KIAA1210: variants seen among roughly 807,000 people sequenced by gnomAD.
The protein encoded by KIAA1210 is acrosomal protein KIAA1210.
Under a neutral mutation model 78.9 loss-of-function variants are expected in KIAA1210, and 48 were observed. The observed-to-expected ratio is 0.61, with a 90% confidence interval of 0.48 to 0.77. The LOEUF is 0.77. KIAA1210 is among the 30% of genes least tolerant of loss of function. The pLI is 0.00. For synonymous variants in KIAA1210, 406 were observed against 404.5 expected, an observed-to-expected ratio of 1.00 and a Z score of -0.04; for missense variants, 1,108 against 1,100.0, an observed-to-expected ratio of 1.01 and a Z score of -0.10.
At chrX:119,104,923 G>A in intron 6 of KIAA1210, 69 bp downstream of exon 6, 2 of 1,009,163 alleles carry the variant, frequency 2.0e-6, no homozygotes, top group Middle Eastern at 2.6e-4. Context: ...CGGGAGAATA[G>A]ATGATACAAG....
intron 3 of KIAA1210, among the ~76,000 whole-genome samples, chrX:119,112,797 G>T (rs1928122810): frequency 9.0e-6 from 1 of 111,596 alleles, no homozygotes; most frequent in African/African-American, 3.3e-5. Flanking sequence ...TGCCTCAAAA[G>T]GTTAAATATA....
Position 119,079,899 on chromosome X carries a change from A to C in KIAA1210, c.*1430T>G, listed in dbSNP as rs1926889965. ...CATTTCTCTGTGGCTTTGGGATTGC[A>C]CTCTTGCTTTGGGCTAAAACCTTGT... On this transcript the variant is annotated 3_prime_UTR_variant, in exon 12 of 12. Transcript: ENST00000691062. The C allele has an allele frequency of 1.8e-5, 2 of 111,294 alleles. No individual in the cohort carries two copies. The highest frequency in any genetic ancestry group is 1.9e-4 in the Admixed American group (2 of 10,497). 9.2% of individuals were successfully genotyped at this position (111,294 alleles called of 1,213,427 possible).
chrX:119,123,023 T>TTG lies in KIAA1210; in HGVS notation c.61+557_61+558dup, dbSNP rs756634696. Among the ~76,000 whole-genome samples the TTG allele has an allele frequency of 1.1e-3, 120 of 111,999 alleles. 1 individual carries two copies. The highest frequency in any genetic ancestry group is 1.8e-3 in the Non-Finnish European group (93 of 53,075). On this transcript the variant is annotated intron_variant, in intron 2 of 11. Coordinates refer to ENST00000691062, the MANE Select transcript of KIAA1210 (RefSeq NM_001394962.1). ...ATTGCATCTTATGATTTCCTTTTTATTGTGTGTGTGTGTGTAAAGCTTATC... is the reference window on the plus strand; with the variant it reads ...ATTGCATCTTATGATTTCCTTTTTATTGTGTGTGTGTGTGTGTAAAGCTTATC...
rs777662411 is a variant in KIAA1210, at chrX:119,118,295, A to G, written c.62-1631T>C. ...AGGTCACTCAACCTCTCTGGGACTC[A>G]GCAGGAAAATTAAAGAATTGCACCT... On this transcript the variant is annotated intron_variant, in intron 2 of 11. Coordinates refer to ENST00000691062, the MANE Select transcript of KIAA1210 (RefSeq NM_001394962.1). Among the ~76,000 whole-genome samples the G allele has an allele frequency of 8.9e-5, 10 of 112,221 alleles. No homozygotes were observed. In the East Asian group the frequency reaches 2.0e-3, roughly 22 times the overall value.
intron 6 of KIAA1210, among the ~76,000 whole-genome samples, chrX:119,101,973 T>C (rs375776260): frequency 8.0e-5 from 9 of 112,677 alleles, no homozygotes; most frequent in African/African-American, 2.9e-4. Flanking sequence ...TAAATAAAAT[T>C]ATACAAGGAA....
At chrX:119,146,689 G>A (rs36078934) in intron 2 of KIAA1210, among the ~76,000 whole-genome samples, 3,495 of 111,559 alleles carry the variant, frequency 0.031, 125 homozygotes, top group African/African-American at 0.11. Context: ...CTTACAGAGG[G>A]TGAGGCTGGG....
intron 7 of KIAA1210, among the ~76,000 whole-genome samples, chrX:119,094,709 G>T (rs1010558338): frequency 8.9e-5 from 10 of 111,771 alleles, no homozygotes; most frequent in Admixed American, 3.8e-4. Context: ...GAAAGTGGTA[G>T]TAGTCCCTGT....
chrX:119,147,515 T>C (rs749573541), exon 2 of KIAA1210: 1 of 1,209,792 alleles, frequency 8.3e-7, no homozygotes, highest in African/African-American at 1.7e-5. Context: ...CTGACTAGCA[T>C]GATGTGAGGG....
At chrX:119,093,613 T>C in intron 8 of KIAA1210, 54 bp downstream of exon 8, 1 of 925,169 alleles carries the variant, frequency 1.1e-6, no homozygotes, top group Non-Finnish European at 1.5e-6. Flanking sequence ...AACATAGCAC[T>C]GTGCAATGAA....
intron 1 of KIAA1210, 128 bp from the exon 2 acceptor site, chrX:119,123,780 T>A (rs1177498676): frequency 2.2e-6 from 1 of 449,978 alleles, no homozygotes; most frequent in Admixed American, 4.1e-5. Flanking sequence ...AATATACAAA[T>A]GGAATTGCCA....
chrX:119,093,970 TG>T (rs775810415), intron 7 of KIAA1210, 195 bp from the exon 8 acceptor site: 2 of 1,067,086 alleles, frequency 1.9e-6, no homozygotes, highest in South Asian at 3.8e-5. Context: ...AAGAGATCCT[TG>T]GGGATCATTT....
chrX:119,131,704 ACATGGCAGGG>A (rs1258717498), upstream of KIAA1210, among the ~76,000 whole-genome samples: 2 of 112,652 alleles, frequency 1.8e-5, no homozygotes, highest in African/African-American at 3.2e-5. Flanking sequence ...GTCGAGGGCC[ACATGGCAGGG>A]CATGGCAGGA....
At chrX:119,113,336 A>G (rs1049802169) in intron 3 of KIAA1210, among the ~76,000 whole-genome samples, 1 of 112,245 alleles carries the variant, frequency 8.9e-6, no homozygotes, top group Admixed American at 9.5e-5. Flanking sequence ...ATTGTATAAT[A>G]TATGAATTAT....
intron 5 of KIAA1210, among the ~76,000 whole-genome samples, chrX:119,106,634 C>A (rs1927901406): frequency 1.8e-5 from 2 of 112,386 alleles, no homozygotes; most frequent in African/African-American, 6.5e-5. Flanking sequence ...GTCTCAGTTT[C>A]TTAAATGACT....
chrX:119,144,184 G>T (rs1410203383), intron 2 of KIAA1210, among the ~76,000 whole-genome samples: 1 of 112,265 alleles, frequency 8.9e-6, no homozygotes, highest in Non-Finnish European at 1.9e-5. Flanking sequence ...CAAATGCCAA[G>T]CTTCAATGCA....
chrX:119,112,416 C>A, intron 3 of KIAA1210, among the ~76,000 whole-genome samples: 1 of 111,170 alleles, frequency 9.0e-6, no homozygotes, highest in African/African-American at 3.3e-5. Flanking sequence ...AATAGGAATT[C>A]TTTTTATTGA....
At chrX:119,148,581 C>T (rs377351213) in intron 1 of KIAA1210, among the ~76,000 whole-genome samples, 1 of 112,290 alleles carries the variant, frequency 8.9e-6, no homozygotes, top group Non-Finnish European at 1.9e-5. Context: ...CTTGATAATT[C>T]TCCTGTAAAC....
At chrX:119,143,338 C>A (rs1397318394) in intron 2 of KIAA1210, among the ~76,000 whole-genome samples, 1 of 112,236 alleles carries the variant, frequency 8.9e-6, no homozygotes, top group Non-Finnish European at 1.9e-5. Flanking sequence ...ACCATTGGAT[C>A]AATAGGCCAC....
At position 119,149,986 on chromosome X, in the gene KIAA1210, G is replaced by A. The variant is rs1207330164; in HGVS notation, c.289+305C>T. On this transcript the variant is annotated intron_variant, in intron 1 of 13. Coordinates refer to the KIAA1210 transcript ENST00000402510. ...AGCTGCTTGCTGGCTGCTTACTAGT[G>A]CCAAAACATCATGTTCTGATATAAT... is the stretch of plus-strand genomic sequence containing the variant. Among the ~76,000 whole-genome samples, 7 of 111,529 alleles carry A rather than the reference G, an allele frequency of 6.3e-5. No individual in the cohort carries two copies. In the Admixed American group the frequency reaches 6.7e-4, roughly 11 times the overall value.
Sources: gnomAD v4.1 joint callset for allele counts (sites outside exome capture counted in the v4.1 genomes callset) on GRCh38, gnomAD v4.1.1 for gene constraint, MANE v1.5 for transcripts, NCBI Gene and HGNC (gene_info 2026-07-23, HGNC 2026-07-21) for gene names.